Variants in UNC5C observed in about 807,000 individuals in gnomAD.
The protein encoded by UNC5C is netrin receptor UNC5C.
In UNC5C, 47 loss-of-function variants were observed where a neutral mutation model predicts 99.8. The observed-to-expected ratio is 0.47, with a 90% CI of 0.37 to 0.60. UNC5C has a LOEUF of 0.60. Among genes scored for constraint, UNC5C ranks in the 20% least tolerant of loss-of-function variants. UNC5C has a pLI of 0.00. For synonymous variants in UNC5C, 487 were observed against 452.2 expected (o/e 1.08, Z -0.98); for missense variants, 1,062 against 1,165.9 (o/e 0.91, Z 1.30).
chr4:95,410,887 C>T (rs1368318816), intron 1 of UNC5C, among the ~76,000 whole-genome samples: 4 of 152,098 alleles, frequency 2.6e-5, no homozygotes, highest in African/African-American at 7.2e-5. Context: ...GTGAGATCAG[C>T]CCCTCCTCAC....
intron 1 of UNC5C, among the ~76,000 whole-genome samples, chr4:95,501,899 T>A (rs1001922913): frequency 1.3e-5 from 2 of 152,186 alleles, no homozygotes; most frequent in African/African-American, 4.8e-5. Flanking sequence ...TTCCTTCCTC[T>A]TATGTTGGAA....
chr4:95,400,442 G>C (rs1745657263), intron 1 of UNC5C, among the ~76,000 whole-genome samples: 1 of 128,520 alleles, frequency 7.8e-6, no homozygotes, highest in African/African-American at 2.9e-5. Flanking sequence ...CACCCAGGCT[G>C]AGTGCAGTGG....
intron 4 of UNC5C, among the ~76,000 whole-genome samples, chr4:95,272,691 TATC>T: frequency 6.6e-6 from 1 of 152,216 alleles, no homozygotes; most frequent in South Asian, 2.1e-4. Context: ...CTGAGAATCA[TATC>T]ATAACCAAAA....
chr4:95,286,646 A>C (rs1377264011), intron 3 of UNC5C, among the ~76,000 whole-genome samples: 1 of 152,144 alleles, frequency 6.6e-6, no homozygotes, highest in African/African-American at 2.4e-5. Context: ...CAAATGGGAG[A>C]AAGCTAGGCA....
intron 1 of UNC5C, among the ~76,000 whole-genome samples, chr4:95,512,792 A>C (rs967074373): frequency 6.6e-6 from 1 of 152,180 alleles, no homozygotes; most frequent in South Asian, 2.1e-4. Context: ...CTACTAAGCA[A>C]AAGTAATTTT....
rs201608163 is a variant in UNC5C at position 95,202,849 on chromosome 4, G to A, written c.2018C>T (p.Ser673Phe). ...GCGCTTCGCAGCCGCTTTGGTGGTG[G>A]AATGTCCTACCAGGGCGTAGGTGCT... ...NLSTYALVGH[S>F]TTKAAAKRLK... The change falls in exon 12 of 16, where the codon TCC (serine) becomes TTC (phenylalanine). Residue 673 changes from serine (S) to phenylalanine (F), a missense_variant. This residue lies in a region of UNC5C where 810 missense variants were observed against 854.5 expected (regional missense o/e 0.95). Transcript: ENST00000453304. 4 of 1,614,238 alleles carry A rather than the reference G, an allele frequency of 2.5e-6. No homozygotes were observed. Among genetic ancestry groups the A allele is most frequent in the Admixed American group, 3.3e-5 (2 of 60,028 alleles).
At chr4:95,423,257 C>T (rs1439801628) in intron 1 of UNC5C, among the ~76,000 whole-genome samples, 1 of 152,110 alleles carries the variant, frequency 6.6e-6, no homozygotes. Flanking sequence ...TATTTTGGAC[C>T]TCTGTGGCAT....
chr4:95,494,688 T>A (rs1458847164), intron 1 of UNC5C, among the ~76,000 whole-genome samples: 2 of 151,526 alleles, frequency 1.3e-5, no homozygotes, highest in Non-Finnish European at 3.0e-5. Flanking sequence ...AGCTTAAAAC[T>A]TATTAAACTA....
intron 1 of UNC5C, among the ~76,000 whole-genome samples, chr4:95,542,604 C>T (rs549924567): frequency 5.3e-5 from 8 of 152,056 alleles, no homozygotes; most frequent in Admixed American, 4.6e-4. Context: ...TATATATGAG[C>T]AACATTTTGG....
rs147740189 is a variant in UNC5C at position 95,422,525 on chromosome 4, G to A, written c.125-86894C>T. The stretch of plus-strand genomic sequence containing the variant: ...GCTCTCTTCCCCACCTCCCATACCC[G>A]CCACTGATTAGATTTGCAACCGGGG... On this transcript the variant is annotated intron_variant, in intron 1 of 15. Coordinates refer to ENST00000453304, the MANE Select transcript of UNC5C (RefSeq NM_003728.4). Among the ~76,000 whole-genome samples, 163 of 151,248 alleles carry A rather than the reference G, an allele frequency of 1.1e-3. 1 individual carries two copies. The highest frequency in any genetic ancestry group is 3.8e-3 in the African/African-American group (157 of 41,120).
intron 1 of UNC5C, among the ~76,000 whole-genome samples, chr4:95,543,278 C>A (rs1722962454): frequency 6.6e-6 from 1 of 152,040 alleles, no homozygotes; most frequent in Admixed American, 6.6e-5. Context: ...AAAATCTAAA[C>A]CGTAAGTAAT....
chr4:95,393,446 A>G lies in UNC5C; in HGVS notation c.125-57815T>C, dbSNP rs1745417379. The stretch of plus-strand genomic sequence containing the variant: ...TCACTTGGAGATGATTATGACACAC[A>G]TACTATGTGTGATAAGCCCACTGGA... On this transcript the variant is annotated intron_variant, in intron 1 of 15. Transcript: ENST00000453304. Among the ~76,000 whole-genome samples, 3 of 152,206 alleles carry G rather than the reference A, an allele frequency of 2.0e-5. No individual in the cohort carries two copies. The South Asian group carries it at 6.2e-4, about 31-fold the overall frequency.
At chr4:95,380,462 G>A (rs1008980928) in intron 1 of UNC5C, among the ~76,000 whole-genome samples, 1 of 68,586 alleles carries the variant, frequency 1.5e-5, no homozygotes, top group African/African-American at 5.3e-5. Flanking sequence ...TTTTTTTTTT[G>A]AGAGACTAGG....
chr4:95,281,117 T>G (rs1579292826), intron 3 of UNC5C, among the ~76,000 whole-genome samples: 1 of 152,162 alleles, frequency 6.6e-6, no homozygotes, highest in East Asian at 1.9e-4. Context: ...TTCTGCCTGA[T>G]GTGGGGTTGG....
chr4:95,361,474 C>A (rs971801575), intron 1 of UNC5C, among the ~76,000 whole-genome samples: 7 of 152,120 alleles, frequency 4.6e-5, no homozygotes, highest in African/African-American at 1.7e-4. Context: ...AAAATGTGAT[C>A]ACCAAGGATG....
intron 1 of UNC5C, among the ~76,000 whole-genome samples, chr4:95,424,827 T>C (rs1746432060): frequency 6.6e-6 from 1 of 151,878 alleles, no homozygotes; most frequent in Non-Finnish European, 1.5e-5. Context: ...CCGCCCCAGA[T>C]TTTTTATAGA....
At chr4:95,263,550 C>G (rs1013589494) in intron 4 of UNC5C, among the ~76,000 whole-genome samples, 3 of 152,106 alleles carry the variant, frequency 2.0e-5, no homozygotes, top group African/African-American at 4.8e-5. Flanking sequence ...TCCTGGATGC[C>G]TCTGCAGTTG....
chr4:95,486,215 A>C (rs368474455), intron 1 of UNC5C, among the ~76,000 whole-genome samples: 33 of 151,902 alleles, frequency 2.2e-4, no homozygotes, highest in African/African-American at 6.7e-4. Flanking sequence ...TATTAATCTT[A>C]AGGCACAAAA....
At chr4:95,221,101 A>G (rs952961683) in intron 7 of UNC5C, among the ~76,000 whole-genome samples, 1 of 152,222 alleles carries the variant, frequency 6.6e-6, no homozygotes, top group African/African-American at 2.4e-5. Context: ...ACATGCTTGC[A>G]TCTAACTGGA....
Sources: allele counts gnomAD v4.1 joint callset (sites outside exome capture counted in the v4.1 genomes callset), GRCh38; gene constraint gnomAD v4.1.1; regional missense constraint gnomAD v4.1.1; transcripts MANE v1.5; gene names NCBI Gene and HGNC (gene_info 2026-07-23, HGNC 2026-07-21).